The following CSMD3 variants were observed in gnomAD, a reference collection of about 807,000 sequenced individuals.
CSMD3 encodes CUB and Sushi multiple domains 3.
CSMD3 carries 177 observed loss-of-function variants against 435.2 expected under a neutral mutation model. The observed-to-expected ratio is 0.41, with a 90% CI of 0.36 to 0.46. CSMD3 has a LOEUF of 0.46. Among genes scored for constraint, CSMD3 ranks in the 20% least tolerant of loss-of-function variants. The pLI, the probability that CSMD3 is intolerant of heterozygous loss-of-function variation, is 0.34. For synonymous variants in CSMD3, 1,656 were observed against 1,520.5 expected, an observed-to-expected ratio of 1.09 and a Z score of -2.07; for missense variants, 4,265 against 4,504.6, an observed-to-expected ratio of 0.95 and a Z score of 1.52.
chr8:112,499,622 A>G (rs1821734717), intron 30 of CSMD3, among the ~76,000 whole-genome samples: 1 of 151,990 alleles, frequency 6.6e-6, no homozygotes, highest in Non-Finnish European at 1.5e-5. Context: ...AATTTATAAT[A>G]TAATAAGTTA....
At chr8:113,377,021 G>A in intron 1 of CSMD3, 4 of 1,318,556 alleles carry the variant, frequency 3.0e-6, no homozygotes, top group Non-Finnish European at 4.0e-6. Flanking sequence ...TAGGGAGTGG[G>A]GTGGGGTGGG....
chr8:112,330,345 A>G (rs985509815), intron 45 of CSMD3, among the ~76,000 whole-genome samples: 2 of 151,924 alleles, frequency 1.3e-5, no homozygotes, highest in African/African-American at 4.8e-5. Context: ...GAAAATAATA[A>G]CATAATTATT....
At chr8:113,261,414 C>T (rs2093426286) in intron 3 of CSMD3, among the ~76,000 whole-genome samples, 1 of 152,076 alleles carries the variant, frequency 6.6e-6, no homozygotes, top group South Asian at 2.1e-4. Context: ...TCTGTGTAAG[C>T]CTTGTCATTC....
At chr8:112,370,026 A>AGAAGGG (rs1828198303) in intron 38 of CSMD3, among the ~76,000 whole-genome samples, 1 of 49,330 alleles carries the variant, frequency 2.0e-5, no homozygotes, top group Non-Finnish European at 5.9e-5. Flanking sequence ...AAGAAGAGGA[A>AGAAGGG]GAAGAAGAAG....
chr8:112,911,794 T>C (rs879833187), intron 10 of CSMD3, among the ~76,000 whole-genome samples: 30 of 147,738 alleles, frequency 2.0e-4, no homozygotes, highest in Admixed American at 6.8e-4. Flanking sequence ...AATATAATTA[T>C]GTTATATATT....
chr8:113,169,235 T>A (rs756021481), intron 4 of CSMD3, among the ~76,000 whole-genome samples: 11 of 152,158 alleles, frequency 7.2e-5, no homozygotes, highest in Non-Finnish European at 1.5e-4. Context: ...AGAATAAAAC[T>A]TGGAAGATTT....
intron 3 of CSMD3, among the ~76,000 whole-genome samples, chr8:113,195,879 G>A (rs969207809): frequency 4.9e-5 from 7 of 143,984 alleles, no homozygotes; most frequent in Non-Finnish European, 9.2e-5. Context: ...CAGTGTTAAG[G>A]GTTTGGGAAC....
chr8:112,278,924 A>G (rs931259304), intron 59 of CSMD3, among the ~76,000 whole-genome samples: 8 of 151,866 alleles, frequency 5.3e-5, no homozygotes, highest in Non-Finnish European at 1.0e-4. Flanking sequence ...ATGATTTGGA[A>G]CTCTCTGGAG....
chr8:113,342,470 G>A (rs565265743), intron 1 of CSMD3, among the ~76,000 whole-genome samples: 98 of 152,226 alleles, frequency 6.4e-4, no homozygotes, highest in African/African-American at 2.3e-3. Context: ...CAATAAAATT[G>A]TATAAATGAC....
chr8:113,162,608 C>T (rs1235517050), intron 4 of CSMD3, among the ~76,000 whole-genome samples: 1 of 150,002 alleles, frequency 6.7e-6, no homozygotes. Flanking sequence ...TTTACTCTAA[C>T]CAAATTTCTT....
At chr8:113,097,343 T>C (rs1420414188) in intron 5 of CSMD3, among the ~76,000 whole-genome samples, 2 of 152,074 alleles carry the variant, frequency 1.3e-5, no homozygotes, top group East Asian at 3.8e-4. Flanking sequence ...TTGTTCTAAG[T>C]GCTTCTGTGT....
chr8:112,599,618 C>T (rs187653489), intron 22 of CSMD3, among the ~76,000 whole-genome samples: 3,121 of 151,578 alleles, frequency 0.021, 114 homozygotes, highest in African/African-American at 0.071. Context: ...TGGAACCAAC[C>T]CAAATGTCCA....
chr8:112,696,208 G>A (rs1423195071), intron 13 of CSMD3, among the ~76,000 whole-genome samples: 1 of 152,120 alleles, frequency 6.6e-6, no homozygotes, highest in African/African-American at 2.4e-5. Flanking sequence ...CTTTTTCACA[G>A]AATTTGAAAA....
intron 4 of CSMD3, among the ~76,000 whole-genome samples, chr8:113,154,535 C>T (rs1006478865): frequency 2.6e-5 from 4 of 151,876 alleles, no homozygotes; most frequent in Admixed American, 2.6e-4. Flanking sequence ...ACACAGAATA[C>T]AATCTTAGGG....
chr8:112,579,095 G>A (rs1830153742), intron 23 of CSMD3, among the ~76,000 whole-genome samples: 1 of 151,890 alleles, frequency 6.6e-6, no homozygotes, highest in South Asian at 2.1e-4. Context: ...CATCTTTAAT[G>A]TTAACAAATA....
chr8:113,338,374 C>A (rs928108362), intron 1 of CSMD3, among the ~76,000 whole-genome samples: 1 of 151,902 alleles, frequency 6.6e-6, no homozygotes, highest in African/African-American at 2.4e-5. Flanking sequence ...CCCAGAAATT[C>A]CATTCCTGGG....
chr8:113,319,401 A>G (rs565457347), intron 1 of CSMD3, among the ~76,000 whole-genome samples: 3 of 152,004 alleles, frequency 2.0e-5, no homozygotes, highest in African/African-American at 4.8e-5. Context: ...TTTTAAAATC[A>G]GGTTATTGTT....
At chr8:113,381,223 A>G (rs1046233880) in intron 1 of CSMD3, among the ~76,000 whole-genome samples, 2 of 152,192 alleles carry the variant, frequency 1.3e-5, no homozygotes, top group Non-Finnish European at 2.9e-5. Flanking sequence ...AAATTAAATG[A>G]TTTTCATAGA....
At chr8:113,234,672 C>T (rs1391513119) in intron 3 of CSMD3, among the ~76,000 whole-genome samples, 2 of 152,116 alleles carry the variant, frequency 1.3e-5, no homozygotes, top group Admixed American at 1.3e-4. Context: ...CTTTTAATAA[C>T]TTGAAGATAC....
Sources: allele counts gnomAD v4.1 joint callset (sites outside exome capture counted in the v4.1 genomes callset), GRCh38; gene constraint gnomAD v4.1.1; transcripts MANE v1.5; gene names NCBI Gene and HGNC (gene_info 2026-07-23, HGNC 2026-07-21).